Variants in LUZP2 observed in about 807,000 individuals in gnomAD.
LUZP2 encodes leucine zipper protein 2.
LUZP2 carries 52 observed loss-of-function variants against 51.6 expected under a neutral mutation model. That is an observed-to-expected ratio of 1.01 (90% CI 0.81 to 1.27). LUZP2 has a LOEUF of 1.27. Ranked by LOEUF, LUZP2 falls within the 50% of genes most tolerant of loss-of-function variation. The pLI, the probability that LUZP2 is intolerant of heterozygous loss-of-function variation, is 0.00. For missense variants in LUZP2, 436 were observed against 395.4 expected (o/e 1.10, Z -0.87); for synonymous variants, 154 against 137.3 (o/e 1.12, Z -0.85).
intron 7 of LUZP2, among the ~76,000 whole-genome samples, chr11:24,968,839 G>A (rs547203024): frequency 6.6e-6 from 1 of 152,320 alleles, no homozygotes; most frequent in Admixed American, 6.5e-5. Context: ...ATTGCCATCA[G>A]GCAGAAAGCT....
At chr11:24,978,934 A>T (rs1366223080) in intron 8 of LUZP2, among the ~76,000 whole-genome samples, 3 of 151,808 alleles carry the variant, frequency 2.0e-5, no homozygotes, top group Admixed American at 6.6e-5. Context: ...CCCTGTCATT[A>T]TGTCCCTAAA....
chr11:24,581,862 CAG>C (rs1852868257), intron 1 of LUZP2, among the ~76,000 whole-genome samples: 1 of 151,966 alleles, frequency 6.6e-6, no homozygotes, highest in Non-Finnish European at 1.5e-5. Flanking sequence ...TAAGAGGAAA[CAG>C]AGGCTCAGAG....
intron 5 of LUZP2, chr11:24,892,340 A>T: frequency 1.0e-6 from 1 of 985,370 alleles, no homozygotes; most frequent in East Asian, 1.1e-4. Context: ...AAGACATTCA[A>T]ATTAGCCACC....
rs534303582 is a variant in LUZP2 at position 24,633,958 on chromosome 11, G to GTATATA, written c.63-95210_63-95209insATATAT. Among the ~76,000 whole-genome samples, 417 of 134,994 alleles carry GTATATA rather than the reference G, an allele frequency of 3.1e-3. 5 individuals are homozygous for GTATATA. The highest frequency in any genetic ancestry group is 0.011 in the South Asian group (46 of 4,036). The allele number at this position is 134,994 out of a possible 152,430, so 88.6% of individuals were successfully genotyped here. A position where few individuals can be genotyped will look rare whatever the true frequency, so the allele number is the denominator to read the frequency against. On this transcript the variant is annotated intron_variant, in intron 1 of 11. Transcript: ENST00000336930. ...AACACACGTGTGTGTGTGTGTGTGTGTGTGTGTATATATAGTCTGTCTATT... is the reference window on the plus strand; with the variant it reads ...AACACACGTGTGTGTGTGTGTGTGTGTATATATGTGTGTATATATAGTCTGTCTATT...
intron 1 of LUZP2, among the ~76,000 whole-genome samples, chr11:24,553,115 CAG>C (rs1016840698): frequency 1.7e-4 from 25 of 151,388 alleles, no homozygotes; most frequent in African/African-American, 5.6e-4. Flanking sequence ...TGGGAAATAA[CAG>C]AGAATTTAGA....
chr11:25,025,588 A>G (rs1448188717), intron 9 of LUZP2, among the ~76,000 whole-genome samples: 1 of 152,160 alleles, frequency 6.6e-6, no homozygotes, highest in Non-Finnish European at 1.5e-5. Context: ...CAAAACCACA[A>G]TGAGATACCA....
intron 1 of LUZP2, among the ~76,000 whole-genome samples, chr11:24,721,368 C>A (rs985536907): frequency 6.6e-6 from 1 of 152,002 alleles, no homozygotes; most frequent in African/African-American, 2.4e-5. Flanking sequence ...ATATTTACTA[C>A]AAAAATTCAA....
chr11:24,779,869 G>C (rs1183186200), intron 5 of LUZP2, among the ~76,000 whole-genome samples: 2 of 152,074 alleles, frequency 1.3e-5, no homozygotes, highest in African/African-American at 2.4e-5. Flanking sequence ...TGAAGACAGG[G>C]TGAGAGAAAT....
intron 9 of LUZP2, among the ~76,000 whole-genome samples, chr11:25,041,161 T>C (rs920093946): frequency 1.3e-5 from 2 of 152,186 alleles, no homozygotes; most frequent in African/African-American, 4.8e-5. Flanking sequence ...CTGCAGGGGA[T>C]ATTTTCCAAG....
intron 9 of LUZP2, among the ~76,000 whole-genome samples, chr11:25,031,279 G>C (rs1034445592): frequency 2.6e-5 from 4 of 151,544 alleles, no homozygotes; most frequent in African/African-American, 9.7e-5. Context: ...CAAAGTGCTG[G>C]TATTACAGGC....
chr11:24,980,672 T>C (rs1856003878), intron 8 of LUZP2, among the ~76,000 whole-genome samples: 2 of 151,682 alleles, frequency 1.3e-5, no homozygotes, highest in Non-Finnish European at 2.9e-5. Flanking sequence ...AAATAAGATA[T>C]AAAGGTAGAA....
chr11:24,948,442 A>G (rs1854961569), intron 7 of LUZP2, among the ~76,000 whole-genome samples: 1 of 151,750 alleles, frequency 6.6e-6, no homozygotes, highest in South Asian at 2.1e-4. Context: ...AAGGTAATTT[A>G]TATGCCCTGC....
intron 9 of LUZP2, among the ~76,000 whole-genome samples, chr11:24,995,760 T>G (rs1856475823): frequency 6.6e-6 from 1 of 152,042 alleles, no homozygotes; most frequent in Non-Finnish European, 1.5e-5. Flanking sequence ...CTTTTTTCAA[T>G]GGTTATCAGC....
intron 5 of LUZP2, among the ~76,000 whole-genome samples, chr11:24,801,408 T>C (rs1019604431): frequency 1.3e-5 from 2 of 152,068 alleles, no homozygotes; most frequent in Non-Finnish European, 2.9e-5. Context: ...GTTTTGGTGA[T>C]GTATTGTGTT....
At chr11:24,996,401 C>T (rs1459903996) in intron 9 of LUZP2, among the ~76,000 whole-genome samples, 2 of 151,378 alleles carry the variant, frequency 1.3e-5, no homozygotes, top group African/African-American at 2.4e-5. Context: ...CTAATGTAGC[C>T]TTCACTTCAT....
intron 1 of LUZP2, among the ~76,000 whole-genome samples, chr11:24,705,334 T>A (rs1390000943): frequency 1.3e-5 from 2 of 151,658 alleles, no homozygotes; most frequent in African/African-American, 4.8e-5. Flanking sequence ...ACCTTTTATT[T>A]GACTTTAATT....
intron 5 of LUZP2, among the ~76,000 whole-genome samples, chr11:24,789,854 T>A (rs1365994860): frequency 6.6e-6 from 1 of 152,168 alleles, no homozygotes; most frequent in Non-Finnish European, 1.5e-5. Flanking sequence ...CAGGATCTAA[T>A]CATCTTTCAA....
rs117599498 is a variant in LUZP2 at position 24,694,992 on chromosome 11, T to G, written c.63-34177T>G. On this transcript the variant is annotated intron_variant, in intron 1 of 11. Coordinates refer to ENST00000336930, the MANE Select transcript of LUZP2 (RefSeq NM_001009909.4). Reference sequence around the variant, plus strand: ...CCTAATGCATACGGGGCTTGAAACATAGATGACAGGGTGATAAGTGCAGCA... The same window carrying G: ...CCTAATGCATACGGGGCTTGAAACAGAGATGACAGGGTGATAAGTGCAGCA... Among the ~76,000 whole-genome samples, 31 of 151,892 alleles carry G rather than the reference T, an allele frequency of 2.0e-4. No individual in the cohort carries two copies. In the East Asian group the frequency reaches 5.8e-3, roughly 29 times the overall value.
chr11:24,654,986 CA>C (rs1398588480), intron 1 of LUZP2, among the ~76,000 whole-genome samples: 5 of 151,792 alleles, frequency 3.3e-5, no homozygotes, highest in Non-Finnish European at 5.9e-5. Context: ...TAAAATGAGC[CA>C]AAAAACATAA....
Sources: allele counts gnomAD v4.1 joint callset (sites outside exome capture counted in the v4.1 genomes callset), GRCh38; gene constraint gnomAD v4.1.1; transcripts MANE v1.5; gene names NCBI Gene and HGNC (gene_info 2026-07-23, HGNC 2026-07-21).